Variants in CLYBL observed in about 807,000 individuals in gnomAD.
CLYBL encodes the protein citramalyl-CoA lyase, mitochondrial.
A neutral mutation model predicts 38.9 loss-of-function variants in CLYBL; 31 were observed. The ratio of observed to expected loss-of-function variants is 0.80; its 90% CI spans 0.60 to 1.08. CLYBL has a LOEUF of 1.08. Among genes scored for constraint, CLYBL ranks in the 50% least tolerant of loss-of-function variants. CLYBL has a pLI of 0.00. For synonymous variants in CLYBL, 171 were observed against 158.6 expected (o/e 1.08, Z -0.59); for missense variants, 434 against 411.6 (o/e 1.05, Z -0.47).
intron 1 of CLYBL, among the ~76,000 whole-genome samples, chr13:99,751,435 G>A (rs2048955260): frequency 1.3e-5 from 2 of 152,092 alleles, no homozygotes; most frequent in Non-Finnish European, 2.9e-5. Context: ...TGACCAGGCT[G>A]ATCTTGAACT....
intron 2 of CLYBL, among the ~76,000 whole-genome samples, chr13:99,856,120 C>T (rs947764622): frequency 9.2e-5 from 14 of 152,192 alleles, no homozygotes; most frequent in Non-Finnish European, 1.3e-4. Flanking sequence ...GCCAATTTCA[C>T]AAGGGCCGAA....
rs765301351 is a variant in CLYBL, at chr13:99,891,361, T to C, written c.971T>C (p.Leu324Pro). Residue 324 changes from leucine to proline, a missense_variant, in exon 8 of 9, where the codon CTG (leucine) becomes CCG (proline). Coordinates refer to ENST00000339105, the MANE Select transcript of CLYBL (RefSeq NM_206808.5). ...FQGSMIDMPLLKQAQNTVTLA... is the reference protein window; with the variant it reads ...FQGSMIDMPLPKQAQNTVTLA... Reference sequence around the variant, plus strand: ...GGGAGTATGATCGACATGCCATTACTGAAGCAGGCCCAGAACACTGTTACG... The same window carrying C: ...GGGAGTATGATCGACATGCCATTACCGAAGCAGGCCCAGAACACTGTTACG... 5 of 1,614,066 alleles carry C rather than the reference T, an allele frequency of 3.1e-6. No homozygotes were observed. The highest frequency in any genetic ancestry group is 4.2e-6 in the Non-Finnish European group (5 of 1,179,920).
intron 1 of CLYBL, among the ~76,000 whole-genome samples, chr13:99,755,030 T>C (rs1321496138): frequency 6.6e-6 from 1 of 151,912 alleles, no homozygotes; most frequent in African/African-American, 2.4e-5. Context: ...CCCGGGTAGC[T>C]GGGACTACAG....
chr13:99,891,749 A>G (rs1014757587), intron 8 of CLYBL: 1 of 209,858 alleles, frequency 4.8e-6, no homozygotes, highest in African/African-American at 2.3e-5. Context: ...TCCCAAATAG[A>G]CATATTCCCT....
intron 2 of CLYBL, among the ~76,000 whole-genome samples, chr13:99,824,257 GC>G (rs57450534): frequency 5.8e-4 from 76 of 130,514 alleles, no homozygotes; most frequent in African/African-American, 1.9e-3. Context: ...CTGACTAATA[GC>G]CCCCCCCACC....
At chr13:99,804,355 C>T (rs1310982897) in intron 2 of CLYBL, among the ~76,000 whole-genome samples, 2 of 152,208 alleles carry the variant, frequency 1.3e-5, no homozygotes, top group Admixed American at 6.5e-5. Flanking sequence ...TAGAGAGCTT[C>T]TCTGTTGGTT....
intron 1 of CLYBL, among the ~76,000 whole-genome samples, chr13:99,618,976 T>C (rs968341290): frequency 1.3e-5 from 2 of 152,232 alleles, no homozygotes; most frequent in African/African-American, 4.8e-5. Context: ...TGAGTATCAC[T>C]GCCACCTTTT....
chr13:99,812,477 C>T (rs2050361983), intron 2 of CLYBL, among the ~76,000 whole-genome samples: 1 of 152,212 alleles, frequency 6.6e-6, no homozygotes, highest in Non-Finnish European at 1.5e-5. Flanking sequence ...CAGAAGGTGG[C>T]TGGGCCAGTA....
At chr13:99,723,296 C>T (rs1438341455) in intron 1 of CLYBL, among the ~76,000 whole-genome samples, 1 of 152,272 alleles carries the variant, frequency 6.6e-6, no homozygotes, top group East Asian at 1.9e-4. Flanking sequence ...CAGGGCTCAA[C>T]GTTAGTGAAG....
chr13:99,612,682 C>T (rs529707997), intron 1 of CLYBL, among the ~76,000 whole-genome samples: 1 of 152,032 alleles, frequency 6.6e-6, no homozygotes, highest in East Asian at 1.9e-4. Context: ...GCCGCCACAC[C>T]CATCCGGGGT....
At chr13:99,760,981 A>G (rs1043577818) in intron 1 of CLYBL, among the ~76,000 whole-genome samples, 2 of 152,170 alleles carry the variant, frequency 1.3e-5, no homozygotes, top group African/African-American at 4.8e-5. Context: ...ATCAAACCAT[A>G]TATTTATACC....
chr13:99,686,085 C>G (rs916362233), intron 1 of CLYBL, among the ~76,000 whole-genome samples: 3 of 152,266 alleles, frequency 2.0e-5, no homozygotes, highest in Non-Finnish European at 4.4e-5. Flanking sequence ...CCAAATTTCC[C>G]CCTTTATTCT....
intron 1 of CLYBL, among the ~76,000 whole-genome samples, chr13:99,635,676 C>G (rs1445951234): frequency 1.3e-5 from 2 of 152,214 alleles, no homozygotes; most frequent in Non-Finnish European, 2.9e-5. Context: ...CTTGTTAATG[C>G]TCTGTCCTAC....
intron 2 of CLYBL, among the ~76,000 whole-genome samples, chr13:99,829,801 G>A (rs1255903140): frequency 6.6e-6 from 1 of 152,190 alleles, no homozygotes; most frequent in East Asian, 1.9e-4. Flanking sequence ...TTAGAGCCTT[G>A]CAGCCTTTCA....
At chr13:99,718,846 A>T (rs527267834) in intron 1 of CLYBL, among the ~76,000 whole-genome samples, 2 of 147,762 alleles carry the variant, frequency 1.4e-5, no homozygotes, top group East Asian at 3.9e-4. Flanking sequence ...CCTGTTGAGA[A>T]TTTTTTTTTT....
intron 2 of CLYBL, among the ~76,000 whole-genome samples, chr13:99,833,819 C>T (rs988590227): frequency 1.1e-4 from 17 of 150,580 alleles, no homozygotes; most frequent in Non-Finnish European, 2.2e-4. Flanking sequence ...TCTCCTTCCT[C>T]AGCCTCCCGA....
At chr13:99,661,123 TTTC>T (rs1356842376) in intron 1 of CLYBL, among the ~76,000 whole-genome samples, 1 of 152,168 alleles carries the variant, frequency 6.6e-6, no homozygotes, top group Non-Finnish European at 1.5e-5. Flanking sequence ...AACAAAATAA[TTTC>T]TTCTTTAACA....
chr13:99,884,618 G>A (rs1566366872), intron 7 of CLYBL, among the ~76,000 whole-genome samples: 1 of 152,226 alleles, frequency 6.6e-6, no homozygotes, highest in Non-Finnish European at 1.5e-5. Context: ...CCATTAGACT[G>A]GAAGCCCTGT....
rs548562374 is a variant in CLYBL, at chr13:99,832,317, C to T, written c.250-26544C>T. 1.5e-3 allele frequency among the ~76,000 whole-genome samples: 227 copies of T among 151,546 alleles called. 4 individuals carry two copies. In the South Asian group the frequency reaches 0.046, roughly 31 times the overall value. ...GACCACTGGGTCGTACCACTTGTTTCTCCCTCCACGTCCTCAAATGATCTC... is the reference window on the plus strand; with the variant it reads ...GACCACTGGGTCGTACCACTTGTTTTTCCCTCCACGTCCTCAAATGATCTC... On this transcript the variant is annotated intron_variant, in intron 2 of 8. Transcript: ENST00000339105.
Sources: allele counts gnomAD v4.1 joint callset (sites outside exome capture counted in the v4.1 genomes callset), GRCh38; gene constraint gnomAD v4.1.1; transcripts MANE v1.5; gene names NCBI Gene and HGNC (gene_info 2026-07-23, HGNC 2026-07-21).